ADSL: variants seen among roughly 807,000 people sequenced by gnomAD.
ADSL encodes the protein adenylosuccinate lyase.
Under a neutral mutation model 62.1 loss-of-function variants are expected in ADSL, and 44 were observed. The observed-to-expected ratio is 0.71, with a 90% CI of 0.56 to 0.91. ADSL has a LOEUF of 0.91. Among genes scored for constraint, ADSL ranks in the 40% least tolerant of loss-of-function variants. ADSL has a pLI of 0.00. For synonymous variants in ADSL, 198 were observed against 220.5 expected, an observed-to-expected ratio of 0.90 and a Z score of 0.90; for missense variants, 531 against 627.4, an observed-to-expected ratio of 0.85 and a Z score of 1.64.
At chr22:40,350,119 G>C (rs2044287917) in intron 2 of ADSL, 84 bp downstream of exon 2, 14 of 1,286,420 alleles carry the variant, frequency 1.1e-5, no homozygotes, top group Non-Finnish European at 1.6e-5. Context: ...AGTTGAGGAA[G>C]TGACACTATA....
chr22:40,372,228 G>A (rs1201017553), downstream of ADSL, among the ~76,000 whole-genome samples: 1 of 141,440 alleles, frequency 7.1e-6, no homozygotes, highest in Non-Finnish European at 1.5e-5. Context: ...CCGGGTTCAC[G>A]CCATTCTCCT....
intron 9 of ADSL, among the ~76,000 whole-genome samples, chr22:40,362,100 TC>T (rs1350511906): frequency 1.3e-5 from 2 of 152,194 alleles, no homozygotes; most frequent in Non-Finnish European, 2.9e-5. Context: ...CAGATAGATG[TC>T]AGTTGTGGTG....
At chr22:40,383,416 G>A (rs1008382891) in intron 2 of ADSL, among the ~76,000 whole-genome samples, 6 of 150,076 alleles carry the variant, frequency 4.0e-5, no homozygotes, top group Non-Finnish European at 8.9e-5. Context: ...GCAGTGAGCC[G>A]AGATCACGCC....
In ADSL at chr22:40,361,617, TGGA is replaced by T. The variant is rs1289344764; in HGVS notation, c.993_995del (p.Asp333del). Reference sequence around the variant, plus strand: ...TCTGTCCAGTGGTTTGAACGCACACTGGATGATAGTGCCAACCGGTCAGTGGCA... The same window carrying T: ...TCTGTCCAGTGGTTTGAACGCACACTTGATAGTGCCAACCGGTCAGTGGCA... On this transcript the variant is annotated inframe_deletion, in exon 9 of 13. Coordinates refer to ENST00000623063, the MANE Select transcript of ADSL (RefSeq NM_000026.4). 1 of 1,613,750 alleles carries T rather than the reference TGGA, an allele frequency of 6.2e-7. No individual in the cohort carries two copies. Among genetic ancestry groups the T allele is most frequent in the Non-Finnish European group, 8.5e-7 (1 of 1,180,046 alleles).
chr22:40,348,294 CTG>C (rs755347262), intron 1 of ADSL: 77 of 397,258 alleles, frequency 1.9e-4, no homozygotes, highest in Non-Finnish European at 3.1e-4. Flanking sequence ...TCTTCTGTGA[CTG>C]TAAAGGTTCC....
intron 6 of ADSL, among the ~76,000 whole-genome samples, 170 bp downstream of exon 6, chr22:40,359,476 C>CTTTTTTTTTTTTTTTT (rs56719087): frequency 4.6e-5 from 2 of 43,870 alleles, no homozygotes; most frequent in African/African-American, 1.3e-4. Context: ...TATCTGGATT[C>CTTTTTTTTTTTTTTTT]TTTTTTTTTT....
At chr22:40,359,456 A>T (rs1322769970) in intron 6 of ADSL, 150 bp downstream of exon 6, 251 of 400,068 alleles carry the variant, frequency 6.3e-4, no homozygotes, top group South Asian at 2.2e-3. Flanking sequence ...CCTGGGTTTT[A>T]CTTTCTTACT....
chr22:40,383,988 C>G (rs1478266380), intron 2 of ADSL, among the ~76,000 whole-genome samples: 1 of 152,154 alleles, frequency 6.6e-6, no homozygotes, highest in Non-Finnish European at 1.5e-5. Context: ...ATGGCTCATG[C>G]CTGTAATCCT....
At chr22:40,382,021 C>T (rs2047655669) in intron 2 of ADSL, among the ~76,000 whole-genome samples, 1 of 152,024 alleles carries the variant, frequency 6.6e-6, no homozygotes, top group Non-Finnish European at 1.5e-5. Context: ...ATAAAAGCTC[C>T]ACAGAGACAG....
At chr22:40,373,733 A>C (rs2046014833), downstream of ADSL, among the ~76,000 whole-genome samples, 1 of 151,006 alleles carries the variant, frequency 6.6e-6, no homozygotes, top group South Asian at 2.1e-4. Context: ...CTCCTGCCTC[A>C]GCCTCCCGAG....
intron 6 of ADSL, among the ~76,000 whole-genome samples, chr22:40,359,973 A>T (rs2044716775): frequency 6.6e-6 from 1 of 152,124 alleles, no homozygotes; most frequent in South Asian, 2.1e-4. Flanking sequence ...GACCATTTCC[A>T]TTGAGGTCCA....
downstream of ADSL, among the ~76,000 whole-genome samples, chr22:40,373,765 A>G (rs1303472245): frequency 6.7e-6 from 1 of 150,050 alleles, no homozygotes; most frequent in Non-Finnish European, 1.5e-5. Flanking sequence ...GCAGGCGTGC[A>G]CCACCACACC....
At position 40,349,907 on chromosome 22, in the gene ADSL, G is replaced by T. The variant is rs775646855; in HGVS notation, c.229G>T (p.Ala77Ser). 1 of 1,614,026 alleles carries T rather than the reference G, an allele frequency of 6.2e-7. No homozygotes were observed. The highest frequency in any genetic ancestry group is 8.5e-7 in the Non-Finnish European group (1 of 1,180,032). The change falls in exon 2 of 13, where the codon GCA becomes TCA. Residue 77 changes from alanine (A) to serine (S), a missense_variant. This residue lies in a region of ADSL where 471 missense variants were observed against 592.9 expected (regional missense o/e 0.79). Transcript: ENST00000623063. ...CCTGGAGAACATCGACTTCAAGATG[G>T]CAGCTGAGGAAGAGAAACGTTTACG... ...SNLENIDFKM[A>S]AEEEKRLRHD... is the part of the protein sequence containing the mutation.
intron 2 of ADSL, among the ~76,000 whole-genome samples, chr22:40,376,844 A>G (rs189776899): frequency 1.0e-3 from 159 of 152,330 alleles, no homozygotes; most frequent in African/African-American, 3.7e-3. Context: ...AATAAAATCT[A>G]TATAAAATGG....
Position 40,358,950 on chromosome 22 carries a change from G to A in ADSL, c.569G>A (p.Arg190Gln), listed in dbSNP as rs28941471. ...GATCTCCAGAACTTGAAGCGTGTCC[G>A]AGATGACCTGCGCTTCCGGGGAGTA... Reference protein sequence around the residue: ...CMDLQNLKRVRDDLRFRGVKG... With the variant: ...CMDLQNLKRVQDDLRFRGVKG... The change falls in exon 5 of 13, where the codon CGA becomes CAA. Residue 190 changes from arginine to glutamine, a missense_variant. Physicochemically the swap from Arg to Gln is conservative, Grantham distance 43. Transcript: ENST00000623063. The A allele has an allele frequency of 2.2e-5, 35 of 1,614,198 alleles. No homozygotes were observed. In the East Asian group the frequency reaches 2.7e-4, roughly 12 times the overall value.
chr22:40,354,763 G>A (rs935204001), intron 4 of ADSL, among the ~76,000 whole-genome samples: 6 of 151,902 alleles, frequency 3.9e-5, no homozygotes, highest in Non-Finnish European at 8.8e-5. Context: ...CAGCTACTCA[G>A]GAGGCTGAGG....
At chr22:40,373,732 C>G (rs973364510), downstream of ADSL, among the ~76,000 whole-genome samples, 3 of 151,604 alleles carry the variant, frequency 2.0e-5, no homozygotes, top group African/African-American at 7.3e-5. Flanking sequence ...TCTCCTGCCT[C>G]AGCCTCCCGA....
chr22:40,386,040 T>A (rs1295835619), intron 2 of ADSL, among the ~76,000 whole-genome samples: 1 of 151,640 alleles, frequency 6.6e-6, no homozygotes, highest in Non-Finnish European at 1.5e-5. Context: ...TTTTTTTGTT[T>A]TTTTTGTTTT....
chr22:40,348,869 G>A (rs951930164), intron 1 of ADSL: 49 of 333,668 alleles, frequency 1.5e-4, no homozygotes, highest in Admixed American at 9.6e-5. Context: ...TCTAAGTTCC[G>A]AGCTGCCTGT....
Sources: gnomAD v4.1 joint callset for allele counts (sites outside exome capture counted in the v4.1 genomes callset) on GRCh38, gnomAD v4.1.1 for gene constraint, gnomAD v4.1.1 regional missense constraint, MANE v1.5 for transcripts, NCBI Gene and HGNC (gene_info 2026-07-23, HGNC 2026-07-21) for gene names.